The following CLDN2 variants were observed in gnomAD, a reference collection of about 807,000 sequenced individuals.
CLDN2 encodes the protein claudin-2.
In CLDN2, 1 loss-of-function variant was observed where a neutral mutation model predicts 8.2. That is an observed-to-expected ratio of 0.12 (90% CI 0.04 to 0.58). The LOEUF (loss-of-function observed/expected upper bound fraction) is 0.58. Ranked by LOEUF, CLDN2 falls within the 20% of genes least tolerant of loss-of-function variation. CLDN2 has a pLI of 0.90. For synonymous variants in CLDN2, 70 were observed against 70.2 expected (o/e 1.00, Z 0.01); for missense variants, 108 against 172.9 (o/e 0.62, Z 2.11).
intron 1 of CLDN2, among the ~76,000 whole-genome samples, chrX:106,901,103 C>T (rs771115189): frequency 1.8e-5 from 2 of 112,331 alleles, no homozygotes; most frequent in South Asian, 3.8e-4. Context: ...AAGGTAAACC[C>T]TTATGGACCT....
Position 106,930,188 on chromosome X carries a change from G to C in CLDN2, c.*1267G>C, listed in dbSNP as rs1431803991. The C allele has an allele frequency of 8.2e-6, 1 of 122,680 alleles. No homozygotes were observed. 10.1% of individuals were successfully genotyped at this position (122,680 alleles called of 1,213,427 possible). A position where few individuals can be genotyped will look rare whatever the true frequency, so the allele number is the denominator to read the frequency against. ...ATCGGAAGATGCTCCAGAGTGGCTA[G>C]AGGGCATCTAAGGGCTCCAGCATGG... On this transcript the variant is annotated 3_prime_UTR_variant, in exon 2 of 2. Coordinates refer to ENST00000336803, the MANE Select transcript of CLDN2 (RefSeq NM_020384.4).
In CLDN2 at chrX:106,926,144, G is replaced by C. The variant is rs754863270; in HGVS notation, c.-178-1907G>C. Among the ~76,000 whole-genome samples the C allele has an allele frequency of 7.1e-5, 8 of 112,285 alleles. No individual in the cohort carries two copies. The East Asian group carries it at 2.2e-3, about 31-fold the overall frequency. ...GGATGCAGGAGGTAAGTAGAAGAAA[G>C]GTGCTAAAGATCACTTTCCGGATTT... is the stretch of plus-strand genomic sequence containing the variant. On this transcript the variant is annotated intron_variant, in intron 1 of 1. Transcript: ENST00000336803.
chrX:106,918,428 G>A (rs1933344122), upstream of CLDN2: 1 of 112,322 alleles, frequency 8.9e-6, no homozygotes, highest in African/African-American at 3.2e-5. Context: ...CCCTTGCTCA[G>A]GAGCACTGCC....
In CLDN2 at chrX:106,902,132, G is replaced by A. The variant is rs574055315; in HGVS notation, c.-179+1628G>A. The A allele has an allele frequency of 5.9e-5, 70 of 1,188,628 alleles. No homozygotes were observed. In the East Asian group the frequency reaches 7.1e-4, roughly 12 times the overall value. ...ATGTGAACACACGTCACAAGGGCTCGAACTCACCAAATCCACCAGCTTCCT... is the reference window on the plus strand; with the variant it reads ...ATGTGAACACACGTCACAAGGGCTCAAACTCACCAAATCCACCAGCTTCCT... On this transcript the variant is annotated intron_variant, in intron 1 of 1. Transcript: ENST00000541806.
chrX:106,913,853 CCTT>C (rs1933277638), upstream of CLDN2, among the ~76,000 whole-genome samples: 1 of 110,501 alleles, frequency 9.0e-6, no homozygotes, highest in East Asian at 2.8e-4. Context: ...TACCTACACT[CCTT>C]CTTACGCAGC....
At chrX:106,907,174 C>T (rs769545841) in intron 1 of CLDN2, among the ~76,000 whole-genome samples, 5 of 110,990 alleles carry the variant, frequency 4.5e-5, no homozygotes, top group African/African-American at 1.6e-4. Flanking sequence ...TCCTCATTTC[C>T]GAAACTCTCC....
upstream of CLDN2, among the ~76,000 whole-genome samples, chrX:106,919,422 C>T (rs775099017): frequency 3.6e-5 from 4 of 111,512 alleles, no homozygotes; most frequent in African/African-American, 1.3e-4. Context: ...TACTCCACAG[C>T]ATGTTTTTTT....
At chrX:106,919,475 G>A (rs763667873), upstream of CLDN2, among the ~76,000 whole-genome samples, 1 of 110,721 alleles carries the variant, frequency 9.0e-6, no homozygotes, top group Non-Finnish European at 1.9e-5. Context: ...TGTTGTTTGG[G>A]TTTTTGTTTG....
At chrX:106,919,425 GT>G (rs1218766397), upstream of CLDN2, among the ~76,000 whole-genome samples, 1 of 111,446 alleles carries the variant, frequency 9.0e-6, no homozygotes, top group African/African-American at 3.3e-5. Flanking sequence ...TCCACAGCAT[GT>G]TTTTTTGTTT....
upstream of CLDN2, among the ~76,000 whole-genome samples, chrX:106,914,993 C>T (rs1475220627): frequency 2.7e-5 from 3 of 111,821 alleles, no homozygotes; most frequent in Non-Finnish European, 5.6e-5. Flanking sequence ...AAATAATTTC[C>T]TTATGCCACT....
chrX:106,928,092 A>G lies in CLDN2; in HGVS notation c.-137A>G. On this transcript the variant is annotated 5_prime_UTR_variant, in exon 2 of 2. Transcript: ENST00000336803. ...CTTGAGGCTGCTTGTGGCCACCCAC[A>G]GACACTTGTAAGGAGGAGAGAAGTC... 1 of 465,522 alleles carries G rather than the reference A, an allele frequency of 2.1e-6. No individual in the cohort carries two copies. Among genetic ancestry groups the G allele is most frequent in the Non-Finnish European group, 3.6e-6 (1 of 280,228 alleles). 38.4% of individuals were successfully genotyped at this position (465,522 alleles called of 1,213,427 possible).
upstream of CLDN2, among the ~76,000 whole-genome samples, chrX:106,915,476 C>G (rs1933300517): frequency 8.9e-6 from 1 of 112,314 alleles, no homozygotes; most frequent in Non-Finnish European, 1.9e-5. Context: ...ATACTACCAC[C>G]TCTTATTTTA....
At chrX:106,918,577 G>A (rs1280821967), upstream of CLDN2, 1 of 112,196 alleles carries the variant, frequency 8.9e-6, no homozygotes, top group East Asian at 2.8e-4. Context: ...GAAAAATAGA[G>A]TCAAGCATAA....
At chrX:106,909,871 C>T (rs1933225517) in intron 1 of CLDN2, among the ~76,000 whole-genome samples, 2 of 111,687 alleles carry the variant, frequency 1.8e-5, no homozygotes, top group Admixed American at 9.5e-5. Flanking sequence ...CCATGTGGTG[C>T]GGGCTCTCTT....
intron 1 of CLDN2, among the ~76,000 whole-genome samples, chrX:106,910,473 C>T (rs1015059761): frequency 1.8e-5 from 2 of 109,579 alleles, no homozygotes; most frequent in African/African-American, 3.3e-5. Context: ...GTGATCTGCC[C>T]GAGGTGGGCA....
At chrX:106,907,680 A>G (rs1933196796) in intron 1 of CLDN2, among the ~76,000 whole-genome samples, 1 of 105,934 alleles carries the variant, frequency 9.4e-6, no homozygotes, top group Non-Finnish European at 1.9e-5. Context: ...CAGCCTGGAA[A>G]ACAGAGCGAG....
At chrX:106,925,328 TAA>T (rs967134995) in intron 1 of CLDN2, among the ~76,000 whole-genome samples, 1 of 111,682 alleles carries the variant, frequency 9.0e-6, no homozygotes, top group African/African-American at 3.3e-5. Context: ...CAGGCTAGAG[TAA>T]GAGACATCTG....
intron 1 of CLDN2, among the ~76,000 whole-genome samples, chrX:106,908,974 G>T (rs1933214456): frequency 9.0e-6 from 1 of 111,496 alleles, no homozygotes; most frequent in African/African-American, 3.3e-5. Context: ...CTCTCAAAAT[G>T]GTTCTGGTCT....
chrX:106,901,788 C>G (rs1469750768), intron 1 of CLDN2, among the ~76,000 whole-genome samples: 3 of 111,317 alleles, frequency 2.7e-5, no homozygotes, highest in African/African-American at 9.8e-5. Context: ...TGGAGGCTCT[C>G]CAGGGGACAG....
Sources: gnomAD v4.1 joint callset for allele counts (sites outside exome capture counted in the v4.1 genomes callset) on GRCh38, gnomAD v4.1.1 for gene constraint, MANE v1.5 for transcripts, NCBI Gene and HGNC (gene_info 2026-07-23, HGNC 2026-07-21) for gene names.